The following SDHAF3 variants were observed in gnomAD, a reference collection of about 807,000 sequenced individuals.
SDHAF3 encodes the protein succinate dehydrogenase assembly factor 3, mitochondrial.
SDHAF3 carries 18 observed loss-of-function variants against 11.5 expected under a neutral mutation model. The observed-to-expected ratio is 1.56, with a 90% CI of 1.08 to 2.32. The LOEUF (loss-of-function observed/expected upper bound fraction) is 2.32. Among genes scored for constraint, SDHAF3 ranks in the 30% most tolerant of loss-of-function variants. The pLI, the probability that SDHAF3 is intolerant of heterozygous loss-of-function variation, is 0.00. For missense variants in SDHAF3, 200 were observed against 154.4 expected (o/e 1.30, Z -1.57); for synonymous variants, 72 against 59.3 (o/e 1.21, Z -0.99).
chr7:97,168,834 CT>C (rs1447118063), intron 1 of SDHAF3, among the ~76,000 whole-genome samples: 20 of 152,160 alleles, frequency 1.3e-4, no homozygotes, highest in African/African-American at 4.6e-4. Context: ...CTGTTCATTT[CT>C]TACATACTTA....
At chr7:97,118,148 A>AG (rs1562817813) in intron 1 of SDHAF3, among the ~76,000 whole-genome samples, 1 of 152,084 alleles carries the variant, frequency 6.6e-6, no homozygotes, top group Non-Finnish European at 1.5e-5. Context: ...TCAAAGGGTG[A>AG]GGGTAGGAGG....
rs35198717 is a variant in SDHAF3, at chr7:97,142,890, CTTTTTTT to C, written c.174+25012_174+25018del. On this transcript the variant is annotated intron_variant, in intron 1 of 1. Transcript: ENST00000432641. The stretch of plus-strand genomic sequence containing the variant: ...TACAGGATTATTTTCTTCTTAAATT[CTTTTTTT>C]TTTTTTTTTTTTTTTTTTAGACAGA... The C allele has an allele frequency of 5.8e-3, 506 of 87,090 alleles. 27 individuals carry two copies. The East Asian group carries it at 0.15, about 26-fold the overall frequency. The allele number at this position is 87,090 out of a possible 1,614,324, so 5.4% of individuals were successfully genotyped here. A position where few individuals can be genotyped will look rare whatever the true frequency, so the allele number is the denominator to read the frequency against.
At chr7:97,162,290 T>C (rs191105538) in intron 1 of SDHAF3, among the ~76,000 whole-genome samples, 144 of 152,304 alleles carry the variant, frequency 9.5e-4, no homozygotes, top group Non-Finnish European at 1.9e-3. Context: ...TTTTTTCTTA[T>C]AAATTTGTTT....
At chr7:97,172,537 G>C (rs1471929328) in intron 1 of SDHAF3, among the ~76,000 whole-genome samples, 1 of 151,974 alleles carries the variant, frequency 6.6e-6, no homozygotes, top group Non-Finnish European at 1.5e-5. Flanking sequence ...GCCCATATTT[G>C]TTTATTGAAC....
chr7:97,173,791 A>G lies in SDHAF3; in HGVS notation c.175-7221A>G, dbSNP rs189004864. 1.6e-3 allele frequency among the ~76,000 whole-genome samples: 243 copies of G among 152,152 alleles called. 1 individual carries two copies. The highest frequency in any genetic ancestry group is 5.7e-3 in the African/African-American group (235 of 41,522). Reference sequence around the variant, plus strand: ...ATGATCTCAATCTCCTGACCTCATGATCTGCCCACCTCTGCCTCCCAAAGT... The same window carrying G: ...ATGATCTCAATCTCCTGACCTCATGGTCTGCCCACCTCTGCCTCCCAAAGT... On this transcript the variant is annotated intron_variant, in intron 1 of 1. Transcript: ENST00000432641.
intron 1 of SDHAF3, among the ~76,000 whole-genome samples, chr7:97,128,905 C>G (rs1467379101): frequency 6.6e-6 from 1 of 151,924 alleles, no homozygotes; most frequent in South Asian, 2.1e-4. Flanking sequence ...GGATCTTGCT[C>G]TGTTGCCCAG....
intron 1 of SDHAF3, among the ~76,000 whole-genome samples, chr7:97,168,165 C>T (rs563238709): frequency 6.6e-5 from 10 of 152,270 alleles, no homozygotes; most frequent in East Asian, 1.9e-4. Context: ...CACCCTTCAA[C>T]GTGTTCACGT....
At chr7:97,175,679 G>A (rs1789668941) in intron 1 of SDHAF3, among the ~76,000 whole-genome samples, 1 of 152,184 alleles carries the variant, frequency 6.6e-6, no homozygotes, top group African/African-American at 2.4e-5. Flanking sequence ...TGAAGGCATA[G>A]CTGGCCTTAT....
At chr7:97,157,417 A>G (rs896898738) in intron 1 of SDHAF3, among the ~76,000 whole-genome samples, 3 of 152,194 alleles carry the variant, frequency 2.0e-5, no homozygotes, top group Non-Finnish European at 2.9e-5. Context: ...CCACAGTGAG[A>G]TACCATCTCA....
intron 1 of SDHAF3, among the ~76,000 whole-genome samples, chr7:97,137,659 T>G (rs925305344): frequency 2.0e-5 from 3 of 152,192 alleles, no homozygotes; most frequent in Non-Finnish European, 4.4e-5. Context: ...CTGCCACAAA[T>G]CAATATGTGA....
At chr7:97,126,467 G>A (rs1041907631) in intron 1 of SDHAF3, among the ~76,000 whole-genome samples, 3 of 152,178 alleles carry the variant, frequency 2.0e-5, no homozygotes, top group African/African-American at 4.8e-5. Context: ...AGTTTTATCT[G>A]TAAGCCCCTG....
At chr7:97,125,356 G>T (rs1039998550) in intron 1 of SDHAF3, among the ~76,000 whole-genome samples, 2 of 152,056 alleles carry the variant, frequency 1.3e-5, no homozygotes, top group African/African-American at 4.8e-5. Context: ...TTCTGATGTG[G>T]GCATTTAGTG....
chr7:97,158,718 C>T (rs1789348097), intron 1 of SDHAF3, among the ~76,000 whole-genome samples: 1 of 152,156 alleles, frequency 6.6e-6, no homozygotes, highest in Non-Finnish European at 1.5e-5. Flanking sequence ...AGACCAGGAT[C>T]ACTATAAGAA....
intron 1 of SDHAF3, chr7:97,136,429 T>C: frequency 1.6e-6 from 1 of 642,348 alleles, no homozygotes; most frequent in Non-Finnish European, 2.9e-6. Context: ...GAAAAGAAAA[T>C]TTCTGTTTCA....
intron 1 of SDHAF3, among the ~76,000 whole-genome samples, chr7:97,137,531 G>A (rs1170167508): frequency 6.6e-6 from 1 of 152,166 alleles, no homozygotes; most frequent in Non-Finnish European, 1.5e-5. Flanking sequence ...CACTATGTTG[G>A]AGAGAACTAG....
intron 1 of SDHAF3, among the ~76,000 whole-genome samples, chr7:97,155,260 A>T (rs1487863822): frequency 6.6e-6 from 1 of 152,216 alleles, no homozygotes; most frequent in African/African-American, 2.4e-5. Flanking sequence ...TTTAAATTAA[A>T]ATGAAATCAA....
chr7:97,146,361 G>A (rs778845685), intron 1 of SDHAF3, among the ~76,000 whole-genome samples: 2 of 152,118 alleles, frequency 1.3e-5, no homozygotes, highest in Non-Finnish European at 2.9e-5. Flanking sequence ...CATATAAATT[G>A]TGTTTATTAT....
At chr7:97,157,786 C>T (rs976146171) in intron 1 of SDHAF3, among the ~76,000 whole-genome samples, 1 of 151,906 alleles carries the variant, frequency 6.6e-6, no homozygotes, top group South Asian at 2.1e-4. Context: ...GCTATGCAGC[C>T]ATAAAAAATG....
At chr7:97,164,382 CTT>C (rs200122758) in intron 1 of SDHAF3, among the ~76,000 whole-genome samples, 80 of 128,466 alleles carry the variant, frequency 6.2e-4, no homozygotes, top group East Asian at 1.2e-3. Context: ...GTTCATAGTT[CTT>C]TTTTTTTTTT....
Sources: allele counts gnomAD v4.1 joint callset (sites outside exome capture counted in the v4.1 genomes callset), GRCh38; gene constraint gnomAD v4.1.1; transcripts MANE v1.5; gene names NCBI Gene and HGNC (gene_info 2026-07-23, HGNC 2026-07-21).